Variants in EDN1 observed in about 807,000 individuals in gnomAD.
EDN1 encodes the protein endothelin 1.
EDN1 carries 11 observed loss-of-function variants against 21.7 expected under a neutral mutation model. The ratio of observed to expected loss-of-function variants is 0.51; its 90% CI spans 0.32 to 0.84. The LOEUF (loss-of-function observed/expected upper bound fraction) is 0.84, where lower values mean the gene tolerates loss of function less well. EDN1 is among the 40% of genes least tolerant of loss of function. EDN1 has a pLI of 0.03. For synonymous variants in EDN1, 85 were observed against 90.6 expected, an observed-to-expected ratio of 0.94 and a Z score of 0.35; for missense variants, 244 against 262.3, an observed-to-expected ratio of 0.93 and a Z score of 0.48.
chr6:12,289,038 T>C (rs1762613061), upstream of EDN1, among the ~76,000 whole-genome samples: 2 of 152,128 alleles, frequency 1.3e-5, no homozygotes, highest in South Asian at 4.1e-4. Context: ...ACCTGAAAAA[T>C]GGGACTAGCG....
At chr6:12,244,937 T>C in the EDN1 span, among the ~76,000 whole-genome samples, 23 of 152,172 alleles carry the variant, frequency 1.5e-4, no homozygotes, top group Non-Finnish European at 5.9e-5. Context: ...TTCCTGCAAC[T>C]TCTACCCTAT....
chr6:12,264,260 GC>G, the EDN1 span, among the ~76,000 whole-genome samples: 1 of 152,174 alleles, frequency 6.6e-6, no homozygotes. Context: ...CTAAGAGAGA[GC>G]AACTCTGGCT....
chr6:12,238,292 C>T, the EDN1 span, among the ~76,000 whole-genome samples: 2 of 152,056 alleles, frequency 1.3e-5, no homozygotes, highest in Middle Eastern at 3.4e-3. Flanking sequence ...TGTAGGCGTT[C>T]CTCTGGGGTG....
Position 12,297,131 on chromosome 6 carries a change from A to G in EDN1, c.*1064A>G, listed in dbSNP as rs1010234988. 3 of 152,208 alleles carry G rather than the reference A, an allele frequency of 2.0e-5. No individual in the cohort carries two copies. The highest frequency in any genetic ancestry group is 7.2e-5 in the African/African-American group (3 of 41,442). 9.4% of individuals were successfully genotyped at this position (152,208 alleles called of 1,614,324 possible). Reference sequence around the variant, plus strand: ...TATGTATTTCTAAATGAAATTGAGAACATGCTTTGTTTTGCCTGTCAAGGT... The same window carrying G: ...TATGTATTTCTAAATGAAATTGAGAGCATGCTTTGTTTTGCCTGTCAAGGT... On this transcript the variant is annotated 3_prime_UTR_variant, in exon 5 of 5. Transcript: ENST00000379375.
At chr6:12,259,585 TA>T in the EDN1 span, among the ~76,000 whole-genome samples, 1 of 151,802 alleles carries the variant, frequency 6.6e-6, no homozygotes, top group African/African-American at 2.4e-5. Flanking sequence ...AATAAGTGGG[TA>T]AAAGTGGCTA....
At chr6:12,278,187 T>G in the EDN1 span, among the ~76,000 whole-genome samples, 9 of 152,166 alleles carry the variant, frequency 5.9e-5, no homozygotes, top group Admixed American at 5.9e-4. Context: ...AAAACCCCAA[T>G]TATCCCCCAA....
chr6:12,287,688 CCTCTCT>C (rs757039157), upstream of EDN1, among the ~76,000 whole-genome samples: 9 of 112,604 alleles, frequency 8.0e-5, no homozygotes, highest in East Asian at 2.7e-4. Flanking sequence ...TCTCTCTCTC[CCTCTCT>C]CTCTCTCTCT....
chr6:12,253,047 A>G, the EDN1 span, among the ~76,000 whole-genome samples: 1 of 152,198 alleles, frequency 6.6e-6, no homozygotes, highest in Non-Finnish European at 1.5e-5. Context: ...TTTGTGACCA[A>G]ACTATAATCT....
the EDN1 span, among the ~76,000 whole-genome samples, chr6:12,277,550 G>T: frequency 1.5e-3 from 226 of 152,296 alleles, 2 homozygotes; most frequent in Admixed American, 3.5e-3. Context: ...AGTTCATAAA[G>T]GTCTTGCAGA....
chr6:12,254,605 C>T, the EDN1 span, among the ~76,000 whole-genome samples: 1 of 151,886 alleles, frequency 6.6e-6, no homozygotes, highest in South Asian at 2.1e-4. Context: ...AAGAATGCAA[C>T]CTAAGAATTT....
the EDN1 span, among the ~76,000 whole-genome samples, chr6:12,267,077 T>C: frequency 1.3e-5 from 2 of 152,190 alleles, no homozygotes; most frequent in African/African-American, 4.8e-5. Context: ...TATACCTCAT[T>C]TTATTGTGCT....
chr6:12,234,575 T>C, the EDN1 span, among the ~76,000 whole-genome samples: 1 of 152,188 alleles, frequency 6.6e-6, no homozygotes, highest in Non-Finnish European at 1.5e-5. Context: ...AGTCAAGTCT[T>C]TCTGAAGCAA....
the EDN1 span, among the ~76,000 whole-genome samples, chr6:12,257,072 C>T: frequency 6.6e-6 from 1 of 152,158 alleles, no homozygotes; most frequent in African/African-American, 2.4e-5. Flanking sequence ...ACCAAAAACA[C>T]ATTTGATGTT....
chr6:12,285,149 C>A, the EDN1 span, among the ~76,000 whole-genome samples: 1 of 152,062 alleles, frequency 6.6e-6, no homozygotes, highest in East Asian at 1.9e-4. Context: ...AATACATAAT[C>A]ATATCATTAT....
chr6:12,258,225 G>T, the EDN1 span, among the ~76,000 whole-genome samples: 1 of 151,636 alleles, frequency 6.6e-6, no homozygotes, highest in Non-Finnish European at 1.5e-5. Context: ...GCCAAAGCCG[G>T]AAGATCATCT....
chr6:12,291,832 C>A (rs766361532), intron 1 of EDN1, among the ~76,000 whole-genome samples: 2 of 152,228 alleles, frequency 1.3e-5, no homozygotes, highest in Non-Finnish European at 2.9e-5. Context: ...ATCTGGGGTA[C>A]CCTGTGCCCT....
At chr6:12,247,435 T>C in the EDN1 span, among the ~76,000 whole-genome samples, 1 of 151,788 alleles carries the variant, frequency 6.6e-6, no homozygotes, top group African/African-American at 2.4e-5. Flanking sequence ...CTAGACCAGA[T>C]CAAACAAGAG....
At chr6:12,267,573 T>C in the EDN1 span, among the ~76,000 whole-genome samples, 1 of 152,172 alleles carries the variant, frequency 6.6e-6, no homozygotes, top group African/African-American at 2.4e-5. Context: ...GAAGACAAGT[T>C]TGACACTAGC....
the EDN1 span, among the ~76,000 whole-genome samples, chr6:12,279,545 G>A: frequency 6.6e-6 from 1 of 152,242 alleles, no homozygotes; most frequent in Non-Finnish European, 1.5e-5. Context: ...TCAGAGGTCA[G>A]AGAGCGATCA....
Sources: gnomAD v4.1 joint callset for allele counts (sites outside exome capture counted in the v4.1 genomes callset) on GRCh38, gnomAD v4.1.1 for gene constraint, MANE v1.5 for transcripts, NCBI Gene and HGNC (gene_info 2026-07-23, HGNC 2026-07-21) for gene names.